Variants in PGM5 observed in about 807,000 individuals in gnomAD.
PGM5 encodes phosphoglucomutase 5.
Under a neutral mutation model 59.2 loss-of-function variants are expected in PGM5, and 23 were observed. The observed-to-expected ratio is 0.39, with a 90% confidence interval of 0.28 to 0.55. PGM5 has a LOEUF of 0.55. PGM5 is among the 20% of genes least tolerant of loss of function. The pLI, the probability that PGM5 is intolerant of heterozygous loss-of-function variation, is 0.66. For synonymous variants in PGM5, 214 were observed against 286.0 expected (o/e 0.75, Z 2.54); for missense variants, 574 against 748.3 (o/e 0.77, Z 2.72).
chr9:68,515,045 TTC>T (rs1824805216), intron 10 of PGM5, among the ~76,000 whole-genome samples: 1 of 152,216 alleles, frequency 6.6e-6, no homozygotes, highest in South Asian at 2.1e-4. Flanking sequence ...GTAAAGAAAG[TTC>T]TAATTTGATT....
At chr9:68,366,318 A>G (rs1554676672) in intron 1 of PGM5, among the ~76,000 whole-genome samples, 1 of 152,200 alleles carries the variant, frequency 6.6e-6, no homozygotes, top group Non-Finnish European at 1.5e-5. Flanking sequence ...GAGAACAGGT[A>G]CATAATTTAT....
chr9:68,460,089 C>G (rs552774319), intron 6 of PGM5, among the ~76,000 whole-genome samples: 5 of 152,124 alleles, frequency 3.3e-5, no homozygotes, highest in Non-Finnish European at 7.4e-5. Flanking sequence ...GGATCTTGTG[C>G]TCTTTAAATC....
intron 6 of PGM5, among the ~76,000 whole-genome samples, chr9:68,426,447 T>C (rs1343365226): frequency 6.6e-6 from 1 of 152,186 alleles, no homozygotes; most frequent in Non-Finnish European, 1.5e-5. Context: ...CAGGACCCTA[T>C]ACACATTTGT....
chr9:68,488,394 G>T (rs188583955), intron 9 of PGM5, among the ~76,000 whole-genome samples: 1 of 152,216 alleles, frequency 6.6e-6, no homozygotes, highest in Non-Finnish European at 1.5e-5. Flanking sequence ...AGATAAAGTA[G>T]AAATGCTTCT....
At chr9:68,443,721 G>C (rs1301556211) in intron 6 of PGM5, among the ~76,000 whole-genome samples, 2 of 152,238 alleles carry the variant, frequency 1.3e-5, no homozygotes, top group Non-Finnish European at 2.9e-5. Context: ...TAGAGAGTCT[G>C]AGAGTCCTTT....
chr9:68,432,205 ATT>A (rs545419085), intron 6 of PGM5, among the ~76,000 whole-genome samples: 2 of 146,628 alleles, frequency 1.4e-5, no homozygotes, highest in African/African-American at 2.5e-5. Context: ...TTATTTTTTA[ATT>A]TTTTTTTTTT....
chr9:68,526,011 G>A (rs528769015), intron 10 of PGM5, among the ~76,000 whole-genome samples: 1 of 151,472 alleles, frequency 6.6e-6, no homozygotes, highest in Non-Finnish European at 1.5e-5. Context: ...AGCCAAGATC[G>A]CGCCACTGCA....
At chr9:68,474,580 C>A (rs1224439481) in intron 7 of PGM5, among the ~76,000 whole-genome samples, 2 of 151,532 alleles carry the variant, frequency 1.3e-5, no homozygotes, top group Admixed American at 6.6e-5. Context: ...AAAAAAAAGG[C>A]CTTCTTTTTT....
At chr9:68,499,557 C>T (rs1360357867) in intron 10 of PGM5, among the ~76,000 whole-genome samples, 196 bp downstream of exon 10, 13 of 152,226 alleles carry the variant, frequency 8.5e-5, no homozygotes, top group African/African-American at 7.2e-5. Context: ...ATTGCTCTCT[C>T]GCATCTATTT....
At chr9:68,395,484 T>C (rs1554679891) in intron 6 of PGM5, among the ~76,000 whole-genome samples, 1 of 152,142 alleles carries the variant, frequency 6.6e-6, no homozygotes, top group African/African-American at 2.4e-5. Context: ...TACCAAAGCC[T>C]ACTGGGATTT....
chr9:68,361,000 C>G (rs1834567177), intron 1 of PGM5, among the ~76,000 whole-genome samples: 1 of 152,168 alleles, frequency 6.6e-6, no homozygotes, highest in African/African-American at 2.4e-5. Flanking sequence ...CTCATTGCAG[C>G]CTCAAATTCC....
rs374596786 is a variant in PGM5, at chr9:68,449,919, G to A, written c.1044-15174G>A. On this transcript the variant is annotated intron_variant, in intron 6 of 10. Transcript: ENST00000396396. ...CAGTGAGATGCTTACAGCTATGGGG[G>A]TAGGGTGGGGAGGACAATTGCTTTG... Among the ~76,000 whole-genome samples the A allele has an allele frequency of 7.2e-5, 11 of 152,304 alleles. No homozygotes were observed. In the East Asian group the frequency reaches 1.5e-3, roughly 21 times the overall value.
chr9:68,499,028 T>C (rs1191477376), intron 9 of PGM5, 199 bp from the exon 10 acceptor site: 7 of 575,524 alleles, frequency 1.2e-5, no homozygotes, highest in Admixed American at 3.2e-5. Context: ...GCAACGGAAA[T>C]AGAATAAAGA....
chr9:68,365,595 A>G (rs1190090268), intron 1 of PGM5, among the ~76,000 whole-genome samples: 1 of 152,242 alleles, frequency 6.6e-6, no homozygotes, highest in Non-Finnish European at 1.5e-5. Context: ...TTTCAGGAAC[A>G]TTCAACCTCA....
intron 10 of PGM5, among the ~76,000 whole-genome samples, chr9:68,511,036 A>T (rs1824740635): frequency 6.6e-6 from 1 of 152,352 alleles, no homozygotes; most frequent in South Asian, 2.1e-4. Context: ...GGCTTCAGAG[A>T]GAATAGAAGG....
chr9:68,517,802 A>G (rs1228235452), intron 10 of PGM5, among the ~76,000 whole-genome samples: 1 of 152,250 alleles, frequency 6.6e-6, no homozygotes, highest in Non-Finnish European at 1.5e-5. Flanking sequence ...TTCCCTCTGT[A>G]AAGAGCTGAA....
intron 7 of PGM5, among the ~76,000 whole-genome samples, chr9:68,468,897 C>G (rs781805683): frequency 6.6e-6 from 1 of 152,156 alleles, no homozygotes; most frequent in Non-Finnish European, 1.5e-5. Context: ...AAGAGAAGTA[C>G]ACAAGTGGAA....
intron 10 of PGM5, among the ~76,000 whole-genome samples, chr9:68,529,059 C>A (rs1053211309): frequency 2.0e-5 from 3 of 152,266 alleles, no homozygotes; most frequent in Admixed American, 2.0e-4. Flanking sequence ...CATGATCAGT[C>A]ATTTCTGCAA....
At chr9:68,381,179 AAATTC>A in intron 2 of PGM5, among the ~76,000 whole-genome samples, 1 of 151,962 alleles carries the variant, frequency 6.6e-6, no homozygotes, top group African/African-American at 2.4e-5. Context: ...GACGAAAACC[AAATTC>A]AACAACACAT....
Sources: allele counts gnomAD v4.1 joint callset (sites outside exome capture counted in the v4.1 genomes callset), GRCh38; gene constraint gnomAD v4.1.1; transcripts MANE v1.5; gene names NCBI Gene and HGNC (gene_info 2026-07-23, HGNC 2026-07-21).